Variants in ADAMTSL1 observed in about 807,000 individuals in gnomAD.
The protein encoded by ADAMTSL1 is ADAMTS like 1.
In ADAMTSL1, 126 loss-of-function variants were observed where a neutral mutation model predicts 201.8. The observed-to-expected ratio is 0.62, with a 90% CI of 0.54 to 0.72. ADAMTSL1 has a LOEUF of 0.72. Ranked by LOEUF, ADAMTSL1 falls within the 30% of genes least tolerant of loss-of-function variation. ADAMTSL1 has a pLI of 0.00. For missense variants in ADAMTSL1, 2,679 were observed against 2,277.8 expected (o/e 1.18, Z -3.59); for synonymous variants, 1,121 against 903.4 (o/e 1.24, Z -4.32).
chr9:18,086,700 G>A (rs1563991749), intron 1 of ADAMTSL1, among the ~76,000 whole-genome samples: 1 of 152,158 alleles, frequency 6.6e-6, no homozygotes, highest in Admixed American at 6.6e-5. Context: ...GTGTACTTTA[G>A]AAAGCATTTA....
intron 15 of ADAMTSL1, among the ~76,000 whole-genome samples, chr9:18,727,023 A>G (rs1303281074): frequency 6.6e-6 from 1 of 152,210 alleles, no homozygotes; most frequent in Non-Finnish European, 1.5e-5. Flanking sequence ...AAGGTCACAG[A>G]GTCTTCTCTT....
intron 2 of ADAMTSL1, among the ~76,000 whole-genome samples, chr9:18,283,917 A>C (rs1353354040): frequency 1.3e-5 from 1 of 79,554 alleles, no homozygotes; most frequent in Non-Finnish European, 2.4e-5. Flanking sequence ...GACTCCGTCT[A>C]AAAAAAAAAA....
chr9:18,280,106 G>T (rs927117764), intron 2 of ADAMTSL1, among the ~76,000 whole-genome samples: 1 of 152,152 alleles, frequency 6.6e-6, no homozygotes, highest in South Asian at 2.1e-4. Context: ...GGAGCCAGTA[G>T]TCTGGAGCCT....
chr9:18,473,367 G>A (rs531208826), upstream of ADAMTSL1, among the ~76,000 whole-genome samples: 1 of 152,270 alleles, frequency 6.6e-6, no homozygotes, highest in Non-Finnish European at 1.5e-5. Flanking sequence ...TGGAGTCTTT[G>A]TTGAGGGTTT....
At chr9:18,193,514 C>T (rs575543348) in intron 2 of ADAMTSL1, among the ~76,000 whole-genome samples, 3 of 152,078 alleles carry the variant, frequency 2.0e-5, no homozygotes, top group Non-Finnish European at 2.9e-5. Context: ...CTCTGGTTCT[C>T]TCCCTCCCCA....
At position 18,636,009 on chromosome 9, in the gene ADAMTSL1, A is replaced by G; in HGVS notation, c.668A>G (p.Asp223Gly). 1.3e-6 allele frequency: 2 copies of G among 1,595,186 alleles called. No individual in the cohort carries two copies. The highest frequency in any genetic ancestry group is 1.7e-6 in the Non-Finnish European group (2 of 1,175,442). The change falls in exon 6 of 29, where the codon GAT (aspartate) becomes GGT (glycine). Residue 223 changes from aspartate (D) to glycine (G), a missense_variant. Physicochemically the swap from Asp to Gly is moderately conservative, Grantham distance 94. Transcript: ENST00000380548. ...RHIRLVLKGPDHLYLETKTLQ... is the reference protein window; with the variant it reads ...RHIRLVLKGPGHLYLETKTLQ... ...ATTCGCCTTGTCTTAAAAGGTCCTG[A>G]TCACTTATGTAAGTAACTCCATTGT... is the stretch of plus-strand genomic sequence containing the variant.
intron 20 of ADAMTSL1, among the ~76,000 whole-genome samples, chr9:18,814,079 A>G (rs947025078): frequency 6.6e-5 from 10 of 152,192 alleles, no homozygotes; most frequent in Non-Finnish European, 1.5e-4. Flanking sequence ...TAGCCATTCT[A>G]ACTGGGGTGA....
At chr9:18,601,940 G>T (rs1217140057) in intron 4 of ADAMTSL1, among the ~76,000 whole-genome samples, 3 of 150,620 alleles carry the variant, frequency 2.0e-5, no homozygotes, top group African/African-American at 7.3e-5. Flanking sequence ...TAGAGATTCA[G>T]TCTGAGAAAT....
intron 2 of ADAMTSL1, among the ~76,000 whole-genome samples, chr9:18,440,631 T>A (rs904572817): frequency 6.6e-6 from 1 of 151,074 alleles, no homozygotes; most frequent in Non-Finnish European, 1.5e-5. Context: ...TATCTTTAAT[T>A]CAAAGTCAAA....
chr9:18,534,798 T>G (rs1028687608), intron 3 of ADAMTSL1, among the ~76,000 whole-genome samples: 63 of 152,344 alleles, frequency 4.1e-4, no homozygotes, highest in African/African-American at 1.5e-3. Context: ...TTGCACCCCC[T>G]AAAGCAATGG....
At chr9:18,194,813 C>A (rs545156805) in intron 2 of ADAMTSL1, among the ~76,000 whole-genome samples, 65 of 152,132 alleles carry the variant, frequency 4.3e-4, no homozygotes, top group African/African-American at 1.5e-3. Context: ...TTCTGTACAC[C>A]CACATTCTCC....
At chr9:17,992,310 C>G (rs1365685233) in intron 1 of ADAMTSL1, among the ~76,000 whole-genome samples, 2 of 152,124 alleles carry the variant, frequency 1.3e-5, no homozygotes, top group African/African-American at 2.4e-5. Context: ...ACCTGCAATT[C>G]TCATTTGTTT....
intron 2 of ADAMTSL1, among the ~76,000 whole-genome samples, chr9:18,390,767 C>T (rs1419750395): frequency 6.6e-6 from 1 of 151,800 alleles, no homozygotes; most frequent in African/African-American, 2.4e-5. Flanking sequence ...CCCATTCTAG[C>T]ATACAGATAA....
intron 1 of ADAMTSL1, among the ~76,000 whole-genome samples, chr9:17,913,626 G>A (rs1229221414): frequency 6.6e-6 from 1 of 151,994 alleles, no homozygotes; most frequent in African/African-American, 2.4e-5. Flanking sequence ...AAAAGCAAGA[G>A]CAAACATATT....
chr9:18,294,122 T>C (rs1347088267), intron 2 of ADAMTSL1, among the ~76,000 whole-genome samples: 1 of 152,150 alleles, frequency 6.6e-6, no homozygotes, highest in Non-Finnish European at 1.5e-5. Flanking sequence ...AATGAACCAA[T>C]ATGAATGAAA....
At chr9:18,051,068 A>G (rs557802748) in intron 1 of ADAMTSL1, among the ~76,000 whole-genome samples, 6 of 152,266 alleles carry the variant, frequency 3.9e-5, no homozygotes, top group East Asian at 3.9e-4. Context: ...TTGGGAGGCC[A>G]AGGCGGGCAG....
chr9:17,997,233 A>G (rs542146558), intron 1 of ADAMTSL1, among the ~76,000 whole-genome samples: 2 of 152,258 alleles, frequency 1.3e-5, no homozygotes, highest in African/African-American at 4.8e-5. Context: ...AGGTTCCCCT[A>G]TTAGAATGGA....
At chr9:18,599,086 T>G (rs1824458707) in intron 4 of ADAMTSL1, among the ~76,000 whole-genome samples, 1 of 152,164 alleles carries the variant, frequency 6.6e-6, no homozygotes, top group Non-Finnish European at 1.5e-5. Flanking sequence ...GTATTAGGGT[T>G]GATTGACAGA....
Position 18,388,843 on chromosome 9 carries a change from G to A in ADAMTSL1, c.208-115986G>A, listed in dbSNP as rs912577542. On this transcript the variant is annotated intron_variant, in intron 2 of 29. Transcript: ENST00000680146. ...GCCCTCTCGGCTCACTGCAACCTCC[G>A]CCTCCCAGGTTCAAGCGATTATCCT... 5.3e-5 allele frequency among the ~76,000 whole-genome samples: 8 copies of A among 151,296 alleles called. No homozygotes were observed. In the East Asian group the frequency reaches 1.2e-3, roughly 22 times the overall value.
Sources: gnomAD v4.1 joint callset for allele counts (sites outside exome capture counted in the v4.1 genomes callset) on GRCh38, gnomAD v4.1.1 for gene constraint, MANE v1.5 for transcripts, NCBI Gene and HGNC (gene_info 2026-07-23, HGNC 2026-07-21) for gene names.